Variants in RELN observed in about 807,000 individuals in gnomAD.
RELN encodes the protein reelin.
In RELN, 108 loss-of-function variants were observed where a neutral mutation model predicts 427.6. The observed-to-expected ratio is 0.25, with a 90% CI of 0.22 to 0.30. The LOEUF is 0.30. RELN is among the 10% of genes least tolerant of loss of function. The probability of loss-of-function intolerance (pLI) is 1.00; values close to 1 mark genes in which losing one functional copy is unlikely to be tolerated. For synonymous variants in RELN, 1,524 were observed against 1,513.4 expected, an observed-to-expected ratio of 1.01 and a Z score of -0.16; for missense variants, 3,715 against 4,302.8, an observed-to-expected ratio of 0.86 and a Z score of 3.82.
intron 11 of RELN, among the ~76,000 whole-genome samples, chr7:103,671,714 C>A (rs1833396657): frequency 6.6e-6 from 1 of 152,086 alleles, no homozygotes; most frequent in South Asian, 2.1e-4. Flanking sequence ...CTCAAGCAAT[C>A]TTTAATCAAG....
chr7:103,869,284 A>G (rs527549192), intron 2 of RELN, among the ~76,000 whole-genome samples: 2 of 152,216 alleles, frequency 1.3e-5, no homozygotes, highest in East Asian at 3.9e-4. Flanking sequence ...TTAGGAAATT[A>G]CAAGGATTAA....
chr7:103,617,097 C>A (rs774537518), intron 20 of RELN, among the ~76,000 whole-genome samples: 15 of 152,292 alleles, frequency 9.8e-5, no homozygotes, highest in Middle Eastern at 3.4e-3. Flanking sequence ...TATGCCTACA[C>A]TCCCTTAATC....
chr7:103,728,184 G>A lies in RELN; in HGVS notation c.680C>T (p.Thr227Ile). The change falls in exon 7 of 65, where the codon ACT becomes ATT. Residue 227 changes from threonine to isoleucine, a missense_variant. Physicochemically the swap from Thr to Ile is moderately conservative, Grantham distance 89. This residue lies in a region of RELN where 2,208 missense variants were observed against 2,361.7 expected (regional missense o/e 0.93). Transcript: ENST00000428762. Reference protein sequence around the residue: ...NIWVECNNCETGEQCGAIMHG... With the variant: ...NIWVECNNCEIGEQCGAIMHG... ...CATAATCGCGCCACACTGTTCTCCA[G>A]TCTCACAGTTGTTACATTCAACCCT... The A allele has an allele frequency of 1.9e-6, 3 of 1,613,820 alleles. No individual in the cohort carries two copies. The South Asian group carries it at 3.3e-5, about 18-fold the overall frequency.
intron 10 of RELN, among the ~76,000 whole-genome samples, chr7:103,692,872 T>C (rs1467366181): frequency 2.0e-5 from 3 of 151,954 alleles, no homozygotes; most frequent in South Asian, 4.2e-4. Context: ...ACATTAGCTA[T>C]GCAAAACTTC....
chr7:103,548,537 C>G (rs575875012), intron 41 of RELN, among the ~76,000 whole-genome samples: 1 of 152,326 alleles, frequency 6.6e-6, no homozygotes, highest in Admixed American at 6.5e-5. Flanking sequence ...TTTCTCTTCA[C>G]AGAAATGGTT....
chr7:103,532,474 G>A (rs979166524), intron 46 of RELN, among the ~76,000 whole-genome samples: 1 of 150,518 alleles, frequency 6.6e-6, no homozygotes, highest in Non-Finnish European at 1.5e-5. Context: ...AAAAAAAAAA[G>A]AAGAAGCTTT....
chr7:103,925,246 A>G (rs1300480839), intron 1 of RELN, among the ~76,000 whole-genome samples: 1 of 152,182 alleles, frequency 6.6e-6, no homozygotes, highest in Non-Finnish European at 1.5e-5. Context: ...AAGAATTAAA[A>G]TATAATTTTA....
At chr7:103,564,562 G>A (rs756421556) in intron 34 of RELN, among the ~76,000 whole-genome samples, 1 of 152,144 alleles carries the variant, frequency 6.6e-6, no homozygotes, top group Non-Finnish European at 1.5e-5. Context: ...GAAAGAGGGG[G>A]GAGGAACACC....
At chr7:103,785,051 T>G (rs1404694040) in intron 3 of RELN, among the ~76,000 whole-genome samples, 1 of 152,278 alleles carries the variant, frequency 6.6e-6, no homozygotes, top group Admixed American at 6.5e-5. Flanking sequence ...AAGATTTATC[T>G]TGGAAATCAG....
In RELN at chr7:103,498,039, A is replaced by G. The variant is rs915328099; in HGVS notation, c.8843+38T>C. The G allele has an allele frequency of 3.7e-6, 6 of 1,607,374 alleles. No homozygotes were observed. In the Admixed American group the frequency reaches 6.7e-5, roughly 18 times the overall value. On this transcript the variant is annotated intron_variant, in intron 54 of 64. Transcript: ENST00000428762. ...TTCCTTGCTTTGGGACCAATTTGCT[A>G]TGGTGCAATAGAAATAACTAACAAA...
At chr7:103,609,953 G>A (rs756190520) in intron 22 of RELN, among the ~76,000 whole-genome samples, 1 of 152,162 alleles carries the variant, frequency 6.6e-6, no homozygotes, top group Non-Finnish European at 1.5e-5. Flanking sequence ...ACCTGGCCTT[G>A]AAGAGGTTGT....
At chr7:103,757,134 T>A (rs1584468857) in intron 4 of RELN, among the ~76,000 whole-genome samples, 1 of 152,190 alleles carries the variant, frequency 6.6e-6, no homozygotes, top group East Asian at 1.9e-4. Context: ...GGATACTACC[T>A]GCCTTGCCTC....
intron 2 of RELN, among the ~76,000 whole-genome samples, chr7:103,850,140 G>T (rs62482262): frequency 0.11 from 16,543 of 152,182 alleles, 1,039 homozygotes; most frequent in Non-Finnish European, 0.14. Context: ...TATATCATAG[G>T]TTCATAACAA....
intron 8 of RELN, among the ~76,000 whole-genome samples, chr7:103,712,053 A>G (rs1010854458): frequency 1.3e-4 from 20 of 152,190 alleles, no homozygotes; most frequent in African/African-American, 4.6e-4. Flanking sequence ...AGAGAACCAG[A>G]AACTTCCAAG....
chr7:103,519,457 T>C lies in RELN; in HGVS notation c.7728A>G (p.Gln2576=). 1.2e-6 allele frequency: 2 copies of C among 1,613,792 alleles called. No homozygotes were observed. Among genetic ancestry groups the C allele is most frequent in the Non-Finnish European group, 1.7e-6 (2 of 1,179,712 alleles). ...TCAGGCACCCATACATGAAGTAAAA[T>C]TGGATGAACTCAGCATTAGTGAGGT... ...DLNLTNAEFI[Q]FYFMYGCLIT... Residue 2576 remains glutamine, a synonymous_variant, in exon 49 of 65, where the codon CAA becomes CAG. Coordinates refer to ENST00000428762, the MANE Select transcript of RELN (RefSeq NM_005045.4).
At chr7:103,516,063 C>A (rs892640563) in intron 49 of RELN, among the ~76,000 whole-genome samples, 4 of 152,134 alleles carry the variant, frequency 2.6e-5, no homozygotes, top group African/African-American at 9.7e-5. Context: ...GCCCAGCATG[C>A]TATCTATCCC....
intron 2 of RELN, among the ~76,000 whole-genome samples, chr7:103,881,201 G>C (rs1406505874): frequency 6.6e-6 from 1 of 151,982 alleles, no homozygotes; most frequent in Non-Finnish European, 1.5e-5. Context: ...GCCTTAACAA[G>C]GCCACTGAGC....
chr7:103,641,278 C>T (rs775263345), intron 16 of RELN, among the ~76,000 whole-genome samples: 1 of 152,118 alleles, frequency 6.6e-6, no homozygotes, highest in East Asian at 1.9e-4. Context: ...TCATGTGTTC[C>T]ATTTTTTAGG....
At chr7:103,525,695 GTTTTT>G (rs76372202) in intron 46 of RELN, among the ~76,000 whole-genome samples, 1 of 139,182 alleles carries the variant, frequency 7.2e-6, no homozygotes, top group Non-Finnish European at 1.6e-5. Context: ...TATTCATTCT[GTTTTT>G]TTTTTTTTTA....
Sources: gnomAD v4.1 joint callset for allele counts (sites outside exome capture counted in the v4.1 genomes callset) on GRCh38, gnomAD v4.1.1 for gene constraint, gnomAD v4.1.1 regional missense constraint, MANE v1.5 for transcripts, NCBI Gene and HGNC (gene_info 2026-07-23, HGNC 2026-07-21) for gene names.